The following TMEM94 variants were observed in gnomAD, a reference collection of about 807,000 sequenced individuals.
TMEM94 encodes the protein transmembrane protein 94.
Under a neutral mutation model 158.6 loss-of-function variants are expected in TMEM94, and 81 were observed. The observed-to-expected ratio is 0.51, with a 90% confidence interval of 0.43 to 0.61. The LOEUF (loss-of-function observed/expected upper bound fraction) is 0.61, where lower values mean the gene tolerates loss of function less well. Among genes scored for constraint, TMEM94 ranks in the 20% least tolerant of loss-of-function variants. TMEM94 has a pLI of 0.00. For synonymous variants in TMEM94, 751 were observed against 730.7 expected (o/e 1.03, Z -0.45); for missense variants, 1,435 against 1,762.0 (o/e 0.81, Z 3.32).
chr17:75,495,314 T>A lies in TMEM94; in HGVS notation c.2759T>A (p.Leu920His). The A allele has an allele frequency of 1.2e-6, 2 of 1,613,348 alleles. No individual in the cohort carries two copies. Among genetic ancestry groups the A allele is most frequent in the Non-Finnish European group, 1.7e-6 (2 of 1,179,660 alleles). ...VSRDDAEGLLLMEEEGHSDLI... is the reference protein window; with the variant it reads ...VSRDDAEGLLHMEEEGHSDLI... ...CGAGATGATGCAGAAGGGCTCCTCC[T>A]CATGGAGGAGGAGGGCCACTCGGAC... The change falls in exon 21 of 32, where the codon CTC becomes CAC. Residue 920 changes from leucine to histidine, a missense_variant. By Grantham distance (99) the Leu-to-His change is moderately conservative. Coordinates refer to ENST00000314256, the MANE Select transcript of TMEM94 (RefSeq NM_014738.6). This position sits in a 1 kb window ranked among gnomAD's most constrained non-coding sequence, Gnocchi z 5.6.
At chr17:75,496,706 T>A (rs374871550) in intron 24 of TMEM94, 24 bp from the exon 25 acceptor site, 1 of 1,611,694 alleles carries the variant, frequency 6.2e-7, no homozygotes, top group Non-Finnish European at 8.5e-7. Flanking sequence ...ACCCAGGCCA[T>A]AATCTGTCCC....
Position 75,489,139 on chromosome 17 carries a change from G to T in TMEM94, c.765-127G>T. The T allele has an allele frequency of 1.0e-6, 1 of 992,948 alleles. No homozygotes were observed. 61.5% of individuals were successfully genotyped at this position (992,948 alleles called of 1,614,324 possible). ...GTGAACACGGGCTAGGGCCAGGGCAGAGCGTGGAACTGCAGGACTCACGGT... is the reference window on the plus strand; with the variant it reads ...GTGAACACGGGCTAGGGCCAGGGCATAGCGTGGAACTGCAGGACTCACGGT... On this transcript the variant is annotated intron_variant, in intron 7 of 31. Coordinates refer to ENST00000314256, the MANE Select transcript of TMEM94 (RefSeq NM_014738.6). This position sits in a 1 kb window ranked among gnomAD's most constrained non-coding sequence, Gnocchi z 5.0.
At position 75,485,176 on chromosome 17, in the gene TMEM94, A is replaced by G. The variant is rs2051489786; in HGVS notation, c.25-252A>G. 6.6e-6 allele frequency among the ~76,000 whole-genome samples: 1 copy of G among 152,188 alleles called. No homozygotes were observed. The highest frequency in any genetic ancestry group is 1.5e-5 in the Non-Finnish European group (1 of 68,042). ...GAAAGTGAGTTGGGGAACATGGAAT[A>G]AAAGAAAAAGTTGTTTTGTTTTTTA... On this transcript the variant is annotated intron_variant, in intron 2 of 31. Coordinates refer to ENST00000314256, the MANE Select transcript of TMEM94 (RefSeq NM_014738.6). This position sits in a 1 kb window ranked among gnomAD's most constrained non-coding sequence, Gnocchi z 5.5.
At chr17:75,462,879 C>T (rs558991898) in intron 1 of TMEM94, among the ~76,000 whole-genome samples, 41 of 145,774 alleles carry the variant, frequency 2.8e-4, no homozygotes, top group African/African-American at 9.5e-4. Context: ...CCCAGCTACT[C>T]GGGTGGCTGA....
At chr17:75,465,679 A>ATATATATATTTTTTTTTTTTTTTTTTT (rs1247855961) in intron 1 of TMEM94, among the ~76,000 whole-genome samples, 1 of 124,848 alleles carries the variant, frequency 8.0e-6, no homozygotes, top group African/African-American at 3.5e-5. Flanking sequence ...ATATATATAT[A>ATATATATATTTTTTTTTTTTTTTTTTT]TTTTTTTTTA....
Position 75,497,158 on chromosome 17 carries a change from G to C in TMEM94, c.3367G>C (p.Asp1123His). 6.2e-7 allele frequency: 1 copy of C among 1,613,964 alleles called. No homozygotes were observed. Among genetic ancestry groups the C allele is most frequent in the Non-Finnish European group, 8.5e-7 (1 of 1,179,990 alleles). The change falls in exon 26 of 32, where the codon GAC (aspartate) becomes CAC (histidine). Residue 1123 changes from aspartate to histidine, a missense_variant. Asp to His is a moderately conservative substitution (Grantham distance 81, BLOSUM62 -1). This residue lies in a region of TMEM94 where 335 missense variants were observed against 409.1 expected (regional missense o/e 0.82). Transcript: ENST00000314256. The stretch of plus-strand genomic sequence containing the variant: ...GCTGCCGCCACTCCTGAGTACCACC[G>C]ACATCCTGTGGCTGTCCTGCTTTTG... ...VQLPPLLSTT[D>H]ILWLSCFCYP...
At position 75,498,342 on chromosome 17, in the gene TMEM94, G is replaced by T. The variant is rs201232392; in HGVS notation, c.3638+19G>T. The T allele has an allele frequency of 1.2e-6, 2 of 1,612,866 alleles. No individual in the cohort carries two copies. The highest frequency in any genetic ancestry group is 1.3e-5 in the African/African-American group (1 of 75,032). On this transcript the variant is annotated intron_variant, in intron 28 of 31. Transcript: ENST00000314256. This position sits in a 1 kb window ranked among gnomAD's most constrained non-coding sequence, Gnocchi z 6.7. ...TGCCCAGGTGGGTCCCAGCCCCAGA[G>T]ATCCACCCATCGCCTGCCTCGCCTC... is the stretch of plus-strand genomic sequence containing the variant.
intron 11 of TMEM94, 127 bp from the exon 12 acceptor site, chr17:75,490,922 C>A: frequency 3.2e-6 from 3 of 938,548 alleles, no homozygotes; most frequent in Non-Finnish European, 5.0e-6. Context: ...GTGTCCACAC[C>A]CTGTCCCAGA....
rs746196011 is a variant in TMEM94 at position 75,499,011 on chromosome 17, A to G, written c.3927A>G (p.Thr1309=). 7 of 1,604,146 alleles carry G rather than the reference A, an allele frequency of 4.4e-6. No individual in the cohort carries two copies. In the South Asian group the frequency reaches 6.6e-5, roughly 15 times the overall value. ...HFGLEDVPLL[T]WLLGCLSLVL... is the part of the protein sequence containing the mutation. Reference sequence around the variant, plus strand: ...GCCTGGAGGACGTGCCCCTGCTGACATGGCTCCTGGGCTGCCTGTCCCTGG... The same window carrying G: ...GCCTGGAGGACGTGCCCCTGCTGACGTGGCTCCTGGGCTGCCTGTCCCTGG... Residue 1309 remains threonine, a synonymous_variant, in exon 31 of 32, where the codon ACA becomes ACG. Coordinates refer to ENST00000314256, the MANE Select transcript of TMEM94 (RefSeq NM_014738.6).
At position 75,488,122 on chromosome 17, in the gene TMEM94, G is replaced by T. The variant is rs369619846; in HGVS notation, c.600G>T (p.Leu200=). Residue 200 remains leucine (L), a synonymous_variant, in exon 6 of 32, where the codon CTG becomes CTT. Transcript: ENST00000314256. ...LRPGQESFAS[L]RGIKDDEHIV... is the part of the protein sequence containing the mutation. ...CTGGCCAGGAATCGTTTGCTTCTCT[G>T]AGGGGGATCAAGGTAGCTTGAGGCT... is the stretch of plus-strand genomic sequence containing the variant. The T allele has an allele frequency of 2.5e-6, 4 of 1,614,080 alleles. No individual in the cohort carries two copies. The highest frequency in any genetic ancestry group is 3.4e-6 in the Non-Finnish European group (4 of 1,180,022).
intron 2 of TMEM94, among the ~76,000 whole-genome samples, chr17:75,472,314 C>T (rs894237381): frequency 1.3e-5 from 2 of 152,216 alleles, no homozygotes; most frequent in African/African-American, 2.4e-5. Context: ...TAGAGAAGAG[C>T]GCCCCAATCA....
intron 1 of TMEM94, among the ~76,000 whole-genome samples, chr17:75,458,035 C>T (rs1302729536): frequency 6.6e-6 from 1 of 152,140 alleles, no homozygotes; most frequent in Non-Finnish European, 1.5e-5. Context: ...GCAGGTAGTT[C>T]TCTGGCAGAC....
rs536760628 is a variant in TMEM94 at position 75,487,386 on chromosome 17, C to A, written c.410-546C>A. The A allele has an allele frequency of 3.1e-5, 5 of 158,864 alleles. No homozygotes were observed. The South Asian group carries it at 8.8e-4, about 28-fold the overall frequency. 9.8% of individuals were successfully genotyped at this position (158,864 alleles called of 1,614,324 possible). A position where few individuals can be genotyped will look rare whatever the true frequency, so the allele number is the denominator to read the frequency against. ...CTCTCCACTGTTCTCTGCTGGTGAGCTTCTCCCTCACTCATCTCCAGCTGA... is the reference window on the plus strand; with the variant it reads ...CTCTCCACTGTTCTCTGCTGGTGAGATTCTCCCTCACTCATCTCCAGCTGA... On this transcript the variant is annotated intron_variant, in intron 5 of 31. Coordinates refer to ENST00000314256, the MANE Select transcript of TMEM94 (RefSeq NM_014738.6). This position sits in a 1 kb window ranked among gnomAD's most constrained non-coding sequence, Gnocchi z 4.6.
At position 75,490,242 on chromosome 17, in the gene TMEM94, C is replaced by T. The variant is rs751680929; in HGVS notation, c.963C>T (p.Gly321=). 32 of 1,613,942 alleles carry T rather than the reference C, an allele frequency of 2.0e-5. No homozygotes were observed. The highest frequency in any genetic ancestry group is 1.5e-4 in the South Asian group (14 of 91,090). Residue 321 remains glycine (G), a synonymous_variant, in exon 10 of 32, where the codon GGC becomes GGT. Transcript: ENST00000314256. ...QYTLLQLQVN[G]VLPILPLLFP... ...GGTCCGCTCCTTCCCAGGTGAATGGCGTCCTGCCCATCCTCCCCCTGCTCT... is the reference window on the plus strand; with the variant it reads ...GGTCCGCTCCTTCCCAGGTGAATGGTGTCCTGCCCATCCTCCCCCTGCTCT...
chr17:75,456,995 TCTCTCGCCAGAAATAAAGC>T (rs925470824), intron 1 of TMEM94, among the ~76,000 whole-genome samples: 1 of 151,990 alleles, frequency 6.6e-6, no homozygotes, highest in African/African-American at 2.4e-5. Flanking sequence ...CATTGTGGGG[TCTCTCGCCAGAAATAAAGC>T]CTCTCGCCAA....
At chr17:75,497,344 CTTTTTTTTTTTTTTT>C (rs67776731) in intron 26 of TMEM94, 146 bp downstream of exon 26, 35 of 130,378 alleles carry the variant, frequency 2.7e-4, no homozygotes, top group Middle Eastern at 2.7e-3. Flanking sequence ...CCCCCTTTGT[CTTTTTTTTTTTTTTT>C]TTTTTTTTTT....
intron 2 of TMEM94, among the ~76,000 whole-genome samples, chr17:75,478,763 G>A (rs909906407): frequency 1.3e-5 from 2 of 152,176 alleles, no homozygotes; most frequent in Non-Finnish European, 2.9e-5. Flanking sequence ...CAGCGGAATG[G>A]GGTTTGTTCT....
intron 11 of TMEM94, 129 bp downstream of exon 11, chr17:75,490,887 C>T (rs1300086765): frequency 4.6e-5 from 46 of 994,446 alleles, no homozygotes; most frequent in Non-Finnish European, 1.4e-5. Flanking sequence ...TACATGTGGA[C>T]ATAACCTGGA....
Position 75,498,867 on chromosome 17 carries a change from G to A in TMEM94, c.3828-45G>A. On this transcript the variant is annotated intron_variant, in intron 30 of 31. Transcript: ENST00000314256. The surrounding 1 kb of genome is among the most constrained non-coding windows in gnomAD (Gnocchi z 6.7). ...TGTTGTACTGGGAAGAGCAGGGAAG[G>A]AAGCAAGCAGTGTCGGGTTCACACG... The A allele has an allele frequency of 6.6e-7, 1 of 1,525,860 alleles. No individual in the cohort carries two copies. The allele number at this position is 1,525,860 out of a possible 1,614,324, so 94.5% of individuals were successfully genotyped here.
Sources: allele counts gnomAD v4.1 joint callset (sites outside exome capture counted in the v4.1 genomes callset), GRCh38; gene constraint gnomAD v4.1.1; regional missense constraint gnomAD v4.1.1; non-coding constraint Gnocchi (gnomAD v3.1); transcripts MANE v1.5; gene names NCBI Gene and HGNC (gene_info 2026-07-23, HGNC 2026-07-21).